Variants in PPP4R3A observed in about 807,000 individuals in gnomAD.
PPP4R3A encodes serine/threonine-protein phosphatase 4 regulatory subunit 3A.
In PPP4R3A, 15 loss-of-function variants were observed where a neutral mutation model predicts 91.7. The observed-to-expected ratio is 0.16, with a 90% CI of 0.11 to 0.25. The LOEUF is 0.25. Among genes scored for constraint, PPP4R3A ranks in the 10% least tolerant of loss-of-function variants. The probability of loss-of-function intolerance (pLI) is 1.00; values close to 1 mark genes in which losing one functional copy is unlikely to be tolerated. For missense variants in PPP4R3A, 623 were observed against 998.4 expected (o/e 0.62, Z 5.07); for synonymous variants, 377 against 348.7 (o/e 1.08, Z -0.91).
chr14:91,495,538 G>A (rs1890503998), intron 1 of PPP4R3A, among the ~76,000 whole-genome samples: 4 of 152,108 alleles, frequency 2.6e-5, no homozygotes, highest in Admixed American at 2.6e-4. Context: ...AAGTGAAAGT[G>A]GGTAGTGATT....
chr14:91,478,919 C>A (rs1336114154), intron 4 of PPP4R3A, among the ~76,000 whole-genome samples: 1 of 152,140 alleles, frequency 6.6e-6, no homozygotes, highest in East Asian at 1.9e-4. Flanking sequence ...TACTTATACA[C>A]CTGAGGTAAA....
intron 4 of PPP4R3A, among the ~76,000 whole-genome samples, chr14:91,480,165 A>AC (rs1160551521): frequency 6.6e-6 from 1 of 152,224 alleles, no homozygotes; most frequent in Non-Finnish European, 1.5e-5. Flanking sequence ...AAAAAAATCT[A>AC]CATTTTAATA....
At chr14:91,495,563 G>A (rs1016384438) in intron 1 of PPP4R3A, among the ~76,000 whole-genome samples, 3 of 152,074 alleles carry the variant, frequency 2.0e-5, no homozygotes, top group Non-Finnish European at 4.4e-5. Context: ...ATGGGCACAT[G>A]ATTTTTTTCA....
chr14:91,484,483 C>T (rs1889765107), intron 3 of PPP4R3A, among the ~76,000 whole-genome samples: 1 of 152,192 alleles, frequency 6.6e-6, no homozygotes, highest in African/African-American at 2.4e-5. Context: ...TACTTCCGAA[C>T]TAGAACAGCA....
intron 14 of PPP4R3A, among the ~76,000 whole-genome samples, chr14:91,459,394 C>T (rs1162027045): frequency 6.6e-6 from 1 of 152,182 alleles, no homozygotes; most frequent in East Asian, 1.9e-4. Flanking sequence ...GCATGAGCCA[C>T]TGCACCCAAA....
chr14:91,475,579 AC>A, intron 7 of PPP4R3A: 1 of 336,314 alleles, frequency 3.0e-6, no homozygotes, highest in Non-Finnish European at 5.4e-6. Flanking sequence ...ACAAAACAAA[AC>A]AAAAAAAAAC....
chr14:91,484,603 TCCTAAGAAA>T (rs1889775793), intron 3 of PPP4R3A, among the ~76,000 whole-genome samples: 1 of 152,060 alleles, frequency 6.6e-6, no homozygotes, highest in African/African-American at 2.4e-5. Context: ...AAAACAGAAT[TCCTAAGAAA>T]GGATTTTAAA....
At chr14:91,483,336 GAATACTTTTCTTGA>G (rs942710036) in intron 3 of PPP4R3A, among the ~76,000 whole-genome samples, 11 of 152,192 alleles carry the variant, frequency 7.2e-5, no homozygotes, top group African/African-American at 2.7e-4. Context: ...TGACGACCTG[GAATACTTTTCTTGA>G]AATGTGCTGC....
In PPP4R3A at chr14:91,509,850, C is replaced by T. The variant is rs1048430152; in HGVS notation, c.-203G>A. The T allele has an allele frequency of 2.2e-4, 257 of 1,155,202 alleles. No homozygotes were observed. Among genetic ancestry groups the T allele is most frequent in the Non-Finnish European group, 2.6e-4 (244 of 941,542 alleles). The allele number at this position is 1,155,202 out of a possible 1,614,324, so 71.6% of individuals were successfully genotyped here. On this transcript the variant is annotated 5_prime_UTR_variant, in exon 1 of 15. Coordinates refer to ENST00000554943, the MANE Select transcript of PPP4R3A (RefSeq NM_001366432.2). ...GCTCTGGGCCGCCGCCTTTCCTCGCCTCCGGCTCCCCGGCGCTATTGTCCA... is the reference window on the plus strand; with the variant it reads ...GCTCTGGGCCGCCGCCTTTCCTCGCTTCCGGCTCCCCGGCGCTATTGTCCA...
rs1891651908 is a variant in PPP4R3A at position 91,509,631 on chromosome 14, C to T, written c.17G>A (p.Arg6Gln). MTDTR[R>Q]RVKVYTLNED... Reference sequence around the variant, plus strand: ...GTTGAGCGTGTACACCTTCACCCGCCGCCGGGTGTCGGTCATCGTGCCGCC... The same window carrying T: ...GTTGAGCGTGTACACCTTCACCCGCTGCCGGGTGTCGGTCATCGTGCCGCC... The change falls in exon 1 of 15, where the codon CGG becomes CAG. Residue 6 changes from arginine to glutamine, a missense_variant. Coordinates refer to ENST00000554943, the MANE Select transcript of PPP4R3A (RefSeq NM_001366432.2). The T allele has an allele frequency of 6.3e-7, 1 of 1,599,258 alleles. No individual in the cohort carries two copies. Among genetic ancestry groups the T allele is most frequent in the Non-Finnish European group, 8.5e-7 (1 of 1,178,650 alleles).
intron 1 of PPP4R3A, among the ~76,000 whole-genome samples, chr14:91,499,159 GGAGGCTGGGGTAGGAGGATTGCTT>G (rs1318247655): frequency 6.6e-6 from 1 of 151,776 alleles, no homozygotes; most frequent in African/African-American, 2.4e-5. Flanking sequence ...CAGCCGCTTG[GGAGGCTGGGGTAGGAGGATTGCTT>G]GAGGCCAGGA....
chr14:91,475,823 T>C lies in PPP4R3A; in HGVS notation c.1254A>G (p.Lys418=). Residue 418 remains lysine (K), a synonymous_variant, in exon 7 of 15, where the codon AAA becomes AAG. Transcript: ENST00000554943. Reference sequence around the variant, plus strand: ...AAATAATATTTACCTTGCTGGTTATTTTTTGCTCTGTTAACTTCTTACTTA... The same window carrying C: ...AAATAATATTTACCTTGCTGGTTATCTTTTGCTCTGTTAACTTCTTACTTA... The part of the protein sequence containing the change: ...DDVSKKLTEQ[K]ITSKDILLIN... 1 of 1,613,734 alleles carries C rather than the reference T, an allele frequency of 6.2e-7. No homozygotes were observed. Among genetic ancestry groups the C allele is most frequent in the South Asian group, 1.1e-5 (1 of 91,036 alleles).
At chr14:91,484,683 G>A (rs1228089374) in intron 3 of PPP4R3A, among the ~76,000 whole-genome samples, 1 of 152,124 alleles carries the variant, frequency 6.6e-6, no homozygotes, top group Non-Finnish European at 1.5e-5. Flanking sequence ...CGGCGGGAGG[G>A]GTGCTAGTCT....
chr14:91,476,869 T>A (rs199996132), intron 5 of PPP4R3A, 40 bp downstream of exon 5: 19 of 1,515,160 alleles, frequency 1.3e-5, no homozygotes, highest in Admixed American at 7.9e-5. Flanking sequence ...CCCGGCCAGT[T>A]GTTTTATTTT....
chr14:91,467,383 TCA>T (rs752029352), intron 10 of PPP4R3A, among the ~76,000 whole-genome samples: 2 of 152,218 alleles, frequency 1.3e-5, no homozygotes, highest in South Asian at 4.1e-4. Flanking sequence ...CTGCTTCCAC[TCA>T]CATCTCTAAC....
intron 2 of PPP4R3A, among the ~76,000 whole-genome samples, chr14:91,486,959 C>G (rs1239319113): frequency 1.4e-5 from 2 of 147,536 alleles, no homozygotes; most frequent in Admixed American, 6.8e-5. Flanking sequence ...CCTAATATAT[C>G]CTTTTGGCAG....
intron 1 of PPP4R3A, among the ~76,000 whole-genome samples, chr14:91,507,090 G>A (rs1036332760): frequency 6.6e-6 from 1 of 151,816 alleles, no homozygotes; most frequent in East Asian, 1.9e-4. Flanking sequence ...AGGCCGAGGC[G>A]GGTGGATCAC....
intron 1 of PPP4R3A, among the ~76,000 whole-genome samples, chr14:91,500,900 T>G (rs1890905942): frequency 6.6e-6 from 1 of 152,078 alleles, no homozygotes; most frequent in Non-Finnish European, 1.5e-5. Flanking sequence ...GACATGGTGG[T>G]ATGTGCCTGT....
intron 13 of PPP4R3A, chr14:91,461,832 C>A: frequency 1.5e-5 from 14 of 906,496 alleles, no homozygotes; most frequent in Non-Finnish European, 2.1e-5. Flanking sequence ...TATCCCTACC[C>A]TTCCTGAAAT....
Sources: gnomAD v4.1 joint callset for allele counts (sites outside exome capture counted in the v4.1 genomes callset) on GRCh38, gnomAD v4.1.1 for gene constraint, MANE v1.5 for transcripts, NCBI Gene and HGNC (gene_info 2026-07-23, HGNC 2026-07-21) for gene names.